Variants in AIG1 observed in about 807,000 individuals in gnomAD.
AIG1 encodes the protein androgen-induced gene 1 protein.
A neutral mutation model predicts 31.4 loss-of-function variants in AIG1; 23 were observed. That is an observed-to-expected ratio of 0.73 (90% confidence interval 0.53 to 1.04). The LOEUF (loss-of-function observed/expected upper bound fraction) is 1.04, where lower values mean the gene tolerates loss of function less well. AIG1 is among the 50% of genes least tolerant of loss of function. The pLI, the probability that AIG1 is intolerant of heterozygous loss-of-function variation, is 0.00. For missense variants in AIG1, 274 were observed against 295.0 expected, an observed-to-expected ratio of 0.93 and a Z score of 0.52; for synonymous variants, 100 against 110.5, an observed-to-expected ratio of 0.90 and a Z score of 0.60.
At chr6:143,222,624 C>T (rs1279072706) in intron 3 of AIG1, among the ~76,000 whole-genome samples, 1 of 152,166 alleles carries the variant, frequency 6.6e-6, no homozygotes, top group Non-Finnish European at 1.5e-5. Context: ...TAAAAACTCT[C>T]TGCTACCAAT....
chr6:143,166,299 A>T (rs1786935954), intron 3 of AIG1, among the ~76,000 whole-genome samples: 1 of 152,124 alleles, frequency 6.6e-6, no homozygotes, highest in Non-Finnish European at 1.5e-5. Flanking sequence ...GGGTCTTGTC[A>T]GTTCAATTTA....
At chr6:143,061,609 C>T (rs1329721589) in intron 1 of AIG1, 1 of 287,286 alleles carries the variant, frequency 3.5e-6, no homozygotes. Context: ...GTTTTTTTCC[C>T]CCATTGTCAA....
chr6:143,142,254 T>A (rs76742073), intron 2 of AIG1, among the ~76,000 whole-genome samples: 1 of 151,976 alleles, frequency 6.6e-6, no homozygotes, highest in Non-Finnish European at 1.5e-5. Flanking sequence ...AAAAATTATT[T>A]TGGAGACAGG....
chr6:143,176,387 G>A (rs73777900), intron 3 of AIG1, among the ~76,000 whole-genome samples: 2 of 152,192 alleles, frequency 1.3e-5, no homozygotes, highest in Non-Finnish European at 2.9e-5. Context: ...TTTCTCAGGT[G>A]GTGGGGCCGG....
At chr6:143,181,436 T>C (rs2128585586) in intron 3 of AIG1, among the ~76,000 whole-genome samples, 1 of 152,348 alleles carries the variant, frequency 6.6e-6, no homozygotes, top group East Asian at 1.9e-4. Context: ...TCAAATTTTA[T>C]GGATGATGAT....
intron 3 of AIG1, among the ~76,000 whole-genome samples, chr6:143,195,436 G>A (rs975960880): frequency 3.3e-5 from 5 of 152,198 alleles, no homozygotes; most frequent in African/African-American, 1.2e-4. Flanking sequence ...CAAAGGAAAC[G>A]TGACTCAGTG....
chr6:143,310,982 T>C (rs1402020638), intron 4 of AIG1, among the ~76,000 whole-genome samples: 2 of 151,868 alleles, frequency 1.3e-5, no homozygotes, highest in African/African-American at 4.8e-5. Flanking sequence ...AACATTAGGT[T>C]CAGATGGCTT....
At chr6:143,099,151 G>T (rs1583170882) in intron 1 of AIG1, among the ~76,000 whole-genome samples, 1 of 151,994 alleles carries the variant, frequency 6.6e-6, no homozygotes, top group Non-Finnish European at 1.5e-5. Context: ...AATATTTTTC[G>T]ATTCCACCAA....
intron 3 of AIG1, among the ~76,000 whole-genome samples, chr6:143,174,214 C>T (rs1787914372): frequency 6.6e-6 from 1 of 152,098 alleles, no homozygotes; most frequent in Non-Finnish European, 1.5e-5. Flanking sequence ...CCTGGCCAGG[C>T]ATGGTGGCTC....
chr6:143,069,218 T>C (rs780535399), intron 1 of AIG1, among the ~76,000 whole-genome samples: 5 of 152,164 alleles, frequency 3.3e-5, no homozygotes, highest in Admixed American at 6.5e-5. Flanking sequence ...GGTTTCGCCA[T>C]GTTGCCCAGG....
chr6:143,266,342 G>A (rs1328001669), intron 3 of AIG1, among the ~76,000 whole-genome samples: 2 of 82,022 alleles, frequency 2.4e-5, no homozygotes, highest in Non-Finnish European at 4.0e-5. Flanking sequence ...GTAAGAGTCC[G>A]TCTCAAAAAA....
rs1242692541 is a variant in AIG1, at chr6:143,299,050, A to G, written c.515+14825A>G. ...ATCTCATGGGTGACATGGAAGTGCTATCTTGAGTGCCACTGCTTTCATACC... is the reference window on the plus strand; with the variant it reads ...ATCTCATGGGTGACATGGAAGTGCTGTCTTGAGTGCCACTGCTTTCATACC... On this transcript the variant is annotated intron_variant, in intron 4 of 5. Coordinates refer to ENST00000357847, the MANE Select transcript of AIG1 (RefSeq NM_016108.4). The surrounding 1 kb of genome is among the most constrained non-coding windows in gnomAD (Gnocchi z 4.1). 6.6e-6 allele frequency: 1 copy of G among 152,182 alleles called. No individual in the cohort carries two copies. Among genetic ancestry groups the G allele is most frequent in the Admixed American group, 6.5e-5 (1 of 15,278 alleles). The allele number at this position is 152,182 out of a possible 1,614,324, so 9.4% of individuals were successfully genotyped here.
intron 4 of AIG1, among the ~76,000 whole-genome samples, chr6:143,321,565 T>C (rs1177733416): frequency 1.3e-5 from 2 of 151,764 alleles, no homozygotes; most frequent in Non-Finnish European, 2.9e-5. Flanking sequence ...TTGTCCAGCC[T>C]GGGCGACAAG....
In AIG1 at chr6:143,231,773, C is replaced by T. The variant is rs141417294; in HGVS notation, c.400-52337C>T. On this transcript the variant is annotated intron_variant, in intron 3 of 5. Transcript: ENST00000357847. ...CTTCAAAATCTGGCATTTACACTTA[C>T]AGCACATGTCAGTTTAGGCTAATCA... Among the ~76,000 whole-genome samples the T allele has an allele frequency of 3.5e-4, 53 of 152,328 alleles. No individual in the cohort carries two copies. The East Asian group carries it at 0.01, about 29-fold the overall frequency.
intron 1 of AIG1, among the ~76,000 whole-genome samples, chr6:143,069,619 T>C (rs1218063545): frequency 6.6e-6 from 1 of 152,242 alleles, no homozygotes; most frequent in African/African-American, 2.4e-5. Context: ...AATATATTCA[T>C]GTTCTTTGTG....
At position 143,327,461 on chromosome 6, in the gene AIG1, T is replaced by G. The variant is rs1045473402; in HGVS notation, c.516-5821T>G. 5.0e-6 allele frequency: 2 copies of G among 397,372 alleles called. No individual in the cohort carries two copies. Among genetic ancestry groups the G allele is most frequent in the South Asian group, 2.1e-5 (1 of 46,800 alleles). The allele number at this position is 397,372 out of a possible 1,614,324, so 24.6% of individuals were successfully genotyped here. A position where few individuals can be genotyped will look rare whatever the true frequency, so the allele number is the denominator to read the frequency against. On this transcript the variant is annotated intron_variant, in intron 4 of 5. Coordinates refer to ENST00000357847, the MANE Select transcript of AIG1 (RefSeq NM_016108.4). The surrounding 1 kb of genome is among the most constrained non-coding windows in gnomAD (Gnocchi z 5.3). ...CACGAAGGAGATGGGAACTCCAGATTTGCGCATTGATACCAGGCCCAACAA... is the reference window on the plus strand; with the variant it reads ...CACGAAGGAGATGGGAACTCCAGATGTGCGCATTGATACCAGGCCCAACAA...
intron 1 of AIG1, among the ~76,000 whole-genome samples, chr6:143,095,509 C>T (rs547254302): frequency 3.3e-5 from 5 of 152,090 alleles, no homozygotes; most frequent in African/African-American, 1.2e-4. Flanking sequence ...AGAAAATTAC[C>T]TAGTAAGGAG....
At chr6:143,296,391 G>A (rs1454382982) in intron 4 of AIG1, among the ~76,000 whole-genome samples, 2 of 152,132 alleles carry the variant, frequency 1.3e-5, no homozygotes, top group African/African-American at 4.8e-5. Context: ...ATTTCCCCGA[G>A]GGGTGCCTTC....
At chr6:143,341,543 A>T (rs1211479231), downstream of AIG1, among the ~76,000 whole-genome samples, 2 of 152,186 alleles carry the variant, frequency 1.3e-5, no homozygotes, top group Non-Finnish European at 2.9e-5. Context: ...GGGAATTAGG[A>T]CACACAAAGG....
Sources: gnomAD v4.1 joint callset for allele counts (sites outside exome capture counted in the v4.1 genomes callset) on GRCh38, gnomAD v4.1.1 for gene constraint, Gnocchi (gnomAD v3.1) non-coding constraint, MANE v1.5 for transcripts, NCBI Gene and HGNC (gene_info 2026-07-23, HGNC 2026-07-21) for gene names.